SLC6A17: variants seen among roughly 807,000 people sequenced by gnomAD.
SLC6A17 encodes sodium-dependent neutral amino acid transporter SLC6A17.
SLC6A17 carries 21 observed loss-of-function variants against 64.5 expected under a neutral mutation model. That is an observed-to-expected ratio of 0.33 (90% confidence interval 0.23 to 0.47). The LOEUF is 0.47. Ranked by LOEUF, SLC6A17 falls within the 20% of genes least tolerant of loss-of-function variation. The pLI is 1.00. For synonymous variants in SLC6A17, 372 were observed against 399.5 expected, an observed-to-expected ratio of 0.93 and a Z score of 0.82; for missense variants, 682 against 963.2, an observed-to-expected ratio of 0.71 and a Z score of 3.86.
In SLC6A17 at chr1:110,174,859, T is replaced by C; in HGVS notation, c.652T>C (p.Ser218Pro). The change falls in exon 5 of 12, where the codon TCG becomes CCG. Residue 218 changes from serine to proline, a missense_variant. By Grantham distance (74) the Ser-to-Pro change is moderately conservative. This residue lies in a region of SLC6A17 where 415 missense variants were observed against 603.8 expected (regional missense o/e 0.69). Coordinates refer to ENST00000331565, the MANE Select transcript of SLC6A17 (RefSeq NM_001010898.4). ...GGCCTTGGACATCTCTGACTCCATC[T>C]CGGAGAGTGGGGGCCTCAACTGGAA... Reference protein sequence around the residue: ...REALDISDSISESGGLNWKMT... With the variant: ...REALDISDSIPESGGLNWKMT... 1 of 1,614,190 alleles carries C rather than the reference T, an allele frequency of 6.2e-7. No homozygotes were observed. Among genetic ancestry groups the C allele is most frequent in the Non-Finnish European group, 8.5e-7 (1 of 1,180,028 alleles).
chr1:110,178,297 C>A (rs777409512), intron 6 of SLC6A17, among the ~76,000 whole-genome samples: 2 of 152,112 alleles, frequency 1.3e-5, no homozygotes, highest in Non-Finnish European at 2.9e-5. Context: ...TTGTTAAGGG[C>A]CCCCTGTATG....
chr1:110,198,240 G>C lies in SLC6A17; in HGVS notation c.1980G>C (p.Met660Ile), dbSNP rs1266213882. 1 of 1,614,210 alleles carries C rather than the reference G, an allele frequency of 6.2e-7. No homozygotes were observed. The highest frequency in any genetic ancestry group is 1.7e-5 in the Admixed American group (1 of 60,028). Residue 660 changes from methionine to isoleucine, a missense_variant, in exon 12 of 12, where the codon ATG becomes ATC. Physicochemically the swap from Met to Ile is conservative, Grantham distance 10. Transcript: ENST00000331565. The stretch of plus-strand genomic sequence containing the variant: ...CCGTGTCCTACAAGAAGGGCCGCAT[G>C]ATGAAGGACATCTCCAACCTGGAGG... The part of the protein sequence containing the change: ...TLSVSYKKGR[M>I]MKDISNLEEN...
chr1:110,159,192 A>G (rs1027861443), intron 1 of SLC6A17, among the ~76,000 whole-genome samples: 2 of 152,060 alleles, frequency 1.3e-5, no homozygotes, highest in Non-Finnish European at 2.9e-5. Context: ...TATTATTACT[A>G]CACCCCACTC....
Position 110,197,442 on chromosome 1 carries a change from T to C in SLC6A17, c.1658T>C (p.Met553Thr), listed in dbSNP as rs372370658. 3 of 1,611,260 alleles carry C rather than the reference T, an allele frequency of 1.9e-6. No homozygotes were observed. Among genetic ancestry groups the C allele is most frequent in the Non-Finnish European group, 1.7e-6 (2 of 1,178,988 alleles). ...CCCTCTGCTATGCCTGGCAGGTTCA[T>C]GCAGGAGCTGACGGAGATGCTGGGC... ...VAWIYGTKKF[M>T]QELTEMLGFR... is the part of the protein sequence containing the mutation. Residue 553 changes from methionine (M) to threonine (T), a missense_variant, in exon 11 of 12, where the codon ATG becomes ACG. Physicochemically the swap from Met to Thr is moderately conservative, Grantham distance 81. Around this residue, in one of 3 missense-constraint regions of SLC6A17, gnomAD observed 264 missense variants for 339.5 expected, o/e 0.78. Coordinates refer to ENST00000331565, the MANE Select transcript of SLC6A17 (RefSeq NM_001010898.4).
In SLC6A17 at chr1:110,192,643, A is replaced by T. The variant is rs1233365521; in HGVS notation, c.1244A>T (p.Asp415Val). 6.8e-6 allele frequency: 11 copies of T among 1,613,980 alleles called. No individual in the cohort carries two copies. In the Admixed American group the frequency reaches 1.7e-4, roughly 24 times the overall value. The change falls in exon 8 of 12, where the codon GAC becomes GTC. Residue 415 changes from aspartate (D) to valine (V), a missense_variant. Asp to Val is a radical substitution (Grantham distance 152). This residue lies in a region of SLC6A17 where 415 missense variants were observed against 603.8 expected (regional missense o/e 0.69). Coordinates refer to ENST00000331565, the MANE Select transcript of SLC6A17 (RefSeq NM_001010898.4). This position sits in a 1 kb window ranked among gnomAD's most constrained non-coding sequence, Gnocchi z 4.3. ...AATGTCATCATGACCGTGAAGGAGG[A>T]CCAGTTCTCAGCCCTGGGCCTTGAC... is the stretch of plus-strand genomic sequence containing the variant. ...MYNVIMTVKE[D>V]QFSALGLDPC...
intron 8 of SLC6A17, among the ~76,000 whole-genome samples, chr1:110,193,654 C>T (rs1656885788): frequency 2.0e-5 from 3 of 152,190 alleles, no homozygotes; most frequent in African/African-American, 7.2e-5. Flanking sequence ...CATCCTACAC[C>T]CCAACCCTTT....
Position 110,167,115 on chromosome 1 carries a change from C to A in SLC6A17, c.186C>A (p.Ala62=). ...AGCTGGATGCAGAGGACCGGCCGGC[C>A]TGGAACAGTAAGCTGCAGTACATCC... The part of the protein sequence containing the change: ...EEELDAEDRP[A]WNSKLQYILA... Residue 62 remains alanine (A), a synonymous_variant, in exon 2 of 12, where the codon GCC becomes GCA. Transcript: ENST00000331565. 5 of 1,613,310 alleles carry A rather than the reference C, an allele frequency of 3.1e-6. No homozygotes were observed. Among genetic ancestry groups the A allele is most frequent in the Non-Finnish European group, 4.2e-6 (5 of 1,179,824 alleles).
Position 110,199,892 on chromosome 1 carries a change from T to C in SLC6A17, c.*1448T>C. 3.4e-6 allele frequency: 1 copy of C among 298,158 alleles called. No homozygotes were observed. The highest frequency in any genetic ancestry group is 5.7e-6 in the Non-Finnish European group (1 of 176,526). The allele number at this position is 298,158 out of a possible 1,614,324, so 18.5% of individuals were successfully genotyped here. On this transcript the variant is annotated 3_prime_UTR_variant, in exon 12 of 12. Coordinates refer to ENST00000331565, the MANE Select transcript of SLC6A17 (RefSeq NM_001010898.4). ...GGATGGGTTGGGGAGTGGGGGTGGA[T>C]GGATGGATAGATGGATGGATGGATG...
intron 2 of SLC6A17, among the ~76,000 whole-genome samples, chr1:110,171,277 C>T (rs1477267948): frequency 2.0e-5 from 3 of 152,178 alleles, no homozygotes; most frequent in Non-Finnish European, 2.9e-5. Context: ...GTTGTTGGCA[C>T]AGCTCTCAGC....
chr1:110,179,660 T>C (rs1656468952), intron 6 of SLC6A17, among the ~76,000 whole-genome samples: 1 of 151,612 alleles, frequency 6.6e-6, no homozygotes, highest in African/African-American at 2.4e-5. Flanking sequence ...TTCAAGCTAT[T>C]CTCCTGCCTC....
intron 1 of SLC6A17, among the ~76,000 whole-genome samples, chr1:110,154,901 T>C (rs112224679): frequency 0.024 from 3,693 of 152,278 alleles, 158 homozygotes; most frequent in African/African-American, 0.083. Context: ...GCAGGGCTGC[T>C]TGGGGAGATT....
Position 110,174,838 on chromosome 1 carries a change from T to C in SLC6A17, c.631T>C (p.Leu211=), listed in dbSNP as rs1656329684. 1 of 1,614,066 alleles carries C rather than the reference T, an allele frequency of 6.2e-7. No individual in the cohort carries two copies. The highest frequency in any genetic ancestry group is 1.7e-5 in the Admixed American group (1 of 60,004). Residue 211 remains leucine (L), a synonymous_variant, in exon 5 of 12, where the codon TTG becomes CTG. Coordinates refer to ENST00000331565, the MANE Select transcript of SLC6A17 (RefSeq NM_001010898.4). ...TACCTACTTCTGGTACCGAGAGGCC[T>C]TGGACATCTCTGACTCCATCTCGGA... ...ATTYFWYREA[L]DISDSISESG...
Position 110,198,331 on chromosome 1 carries a change from C to T in SLC6A17, c.2071C>T (p.His691Tyr). ...TGAGGCACCTTCCCCCATGCCCACT[C>T]ACCGTTCCTATCTGGGGCCCGGCAG... ...PSEAPSPMPTHRSYLGPGSTS... is the reference protein window; with the variant it reads ...PSEAPSPMPTYRSYLGPGSTS... The change falls in exon 12 of 12, where the codon CAC becomes TAC. Residue 691 changes from histidine (H) to tyrosine (Y), a missense_variant. By Grantham distance (83) the His-to-Tyr change is moderately conservative. Transcript: ENST00000331565. 6.2e-7 allele frequency: 1 copy of T among 1,614,208 alleles called. No homozygotes were observed. Among genetic ancestry groups the T allele is most frequent in the Non-Finnish European group, 8.5e-7 (1 of 1,180,022 alleles).
intron 1 of SLC6A17, among the ~76,000 whole-genome samples, chr1:110,151,173 T>A (rs1655590713): frequency 6.6e-6 from 1 of 152,174 alleles, no homozygotes. Context: ...GCCCAAGAAC[T>A]CCGGAGGAAA....
intron 1 of SLC6A17, among the ~76,000 whole-genome samples, chr1:110,155,741 T>C (rs371934408): frequency 7.2e-5 from 11 of 152,330 alleles, no homozygotes; most frequent in African/African-American, 2.6e-4. Flanking sequence ...TCAATTAGAA[T>C]TTCTGCTGGA....
chr1:110,179,105 G>C (rs1452650950), intron 6 of SLC6A17, among the ~76,000 whole-genome samples: 1 of 152,134 alleles, frequency 6.6e-6, no homozygotes, highest in South Asian at 2.1e-4. Context: ...TTGGTGTATA[G>C]CTCTAGTGCA....
chr1:110,174,630 C>T (rs1169970696), intron 4 of SLC6A17, 149 bp from the exon 5 acceptor site: 2 of 957,048 alleles, frequency 2.1e-6, no homozygotes, highest in African/African-American at 1.7e-5. Flanking sequence ...TCTGCCAGAT[C>T]CCGGCTAACC....
At chr1:110,152,437 G>A (rs1006683021) in intron 1 of SLC6A17, among the ~76,000 whole-genome samples, 4 of 152,314 alleles carry the variant, frequency 2.6e-5, no homozygotes, top group Non-Finnish European at 5.9e-5. Flanking sequence ...CTGTTTGTGA[G>A]TTGATTGGAG....
intron 6 of SLC6A17, among the ~76,000 whole-genome samples, chr1:110,189,772 C>T (rs1656778665): frequency 6.6e-6 from 1 of 152,204 alleles, no homozygotes; most frequent in African/African-American, 2.4e-5. Flanking sequence ...TCTGTCCATG[C>T]TTCTTCCCGA....
Sources: allele counts gnomAD v4.1 joint callset (sites outside exome capture counted in the v4.1 genomes callset), GRCh38; gene constraint gnomAD v4.1.1; regional missense constraint gnomAD v4.1.1; non-coding constraint Gnocchi (gnomAD v3.1); transcripts MANE v1.5; gene names NCBI Gene and HGNC (gene_info 2026-07-23, HGNC 2026-07-21).